The following SFMBT2 variants were observed in gnomAD, a reference collection of about 807,000 sequenced individuals.
SFMBT2 encodes the protein scm-like with four MBT domains protein 2.
A neutral mutation model predicts 110.1 loss-of-function variants in SFMBT2; 38 were observed. That is an observed-to-expected ratio of 0.35 (90% CI 0.27 to 0.45). The LOEUF (loss-of-function observed/expected upper bound fraction) is 0.45. SFMBT2 is among the 20% of genes least tolerant of loss of function. SFMBT2 has a pLI of 1.00. For missense variants in SFMBT2, 1,011 were observed against 1,094.9 expected, an observed-to-expected ratio of 0.92 and a Z score of 1.08; for synonymous variants, 425 against 425.4, an observed-to-expected ratio of 1.00 and a Z score of 0.01.
chr10:7,215,555 C>T (rs376122801), intron 11 of SFMBT2: 1 of 985,408 alleles, frequency 1.0e-6, no homozygotes. Flanking sequence ...CAGGGCACTG[C>T]TCTGCTCAAC....
At position 7,171,995 on chromosome 10, in the gene SFMBT2, C is replaced by T. The variant is rs747800549; in HGVS notation, c.2315G>A (p.Arg772Gln). ...CCTTCGTGTCCTCTCTGGGGGTGGCCGGCGCACGGGCTCTGAGCCGCTCCG... is the reference window on the plus strand; with the variant it reads ...CCTTCGTGTCCTCTCTGGGGGTGGCTGGCGCACGGGCTCTGAGCCGCTCCG... ...TLRSGSEPVRRPPPERTRRGR... is the reference protein window; with the variant it reads ...TLRSGSEPVRQPPPERTRRGR... Residue 772 changes from arginine to glutamine, a missense_variant, in exon 19 of 21, where the codon CGG becomes CAG. Arg to Gln is a conservative substitution (Grantham distance 43, BLOSUM62 1). Transcript: ENST00000397167. This position sits in a 1 kb window ranked among gnomAD's most constrained non-coding sequence, Gnocchi z 4.9. 14 of 1,554,292 alleles carry T rather than the reference C, an allele frequency of 9.0e-6. No individual in the cohort carries two copies. The highest frequency in any genetic ancestry group is 3.5e-5 in the South Asian group (3 of 85,492).
chr10:7,339,250 T>G (rs1843816889), intron 4 of SFMBT2, among the ~76,000 whole-genome samples: 2 of 152,160 alleles, frequency 1.3e-5, no homozygotes, highest in African/African-American at 2.4e-5. Context: ...GATGAATAAA[T>G]AAATAAATGA....
rs776275275 is a variant in SFMBT2, at chr10:7,170,907, G to A, written c.2544+21C>T. 30 of 1,613,622 alleles carry A rather than the reference G, an allele frequency of 1.9e-5. No homozygotes were observed. The South Asian group carries it at 2.0e-4, about 11-fold the overall frequency. On this transcript the variant is annotated intron_variant, in intron 20 of 20. Transcript: ENST00000397167. This position sits in a 1 kb window ranked among gnomAD's most constrained non-coding sequence, Gnocchi z 4.6. ...CAGAGTCTCAGCACATCAAACAATC[G>A]ACACGCGGCAACCACCGTACCTGCT... is the stretch of plus-strand genomic sequence containing the variant.
chr10:7,342,198 G>A (rs1431514478), intron 4 of SFMBT2, among the ~76,000 whole-genome samples: 1 of 151,940 alleles, frequency 6.6e-6, no homozygotes, highest in Non-Finnish European at 1.5e-5. Context: ...CAGTATATAT[G>A]TGTCTGTTAT....
chr10:7,227,897 C>G lies in SFMBT2; in HGVS notation c.1161G>C (p.Lys387Asn). 1 of 1,608,016 alleles carries G rather than the reference C, an allele frequency of 6.2e-7. No individual in the cohort carries two copies. The highest frequency in any genetic ancestry group is 8.5e-7 in the Non-Finnish European group (1 of 1,177,994). Residue 387 changes from lysine to asparagine, a missense_variant, in exon 10 of 21, where the codon AAG (lysine) becomes AAC (asparagine). Coordinates refer to ENST00000397167, the MANE Select transcript of SFMBT2 (RefSeq NM_001387889.1). ...GQDFDWADYH[K>N]QHGAQEAPPF... The stretch of plus-strand genomic sequence containing the variant: ...GAGGGGCTTCCTGCGCCCCATGCTG[C>G]TTGTGATAATCTGCCCAGTCGAAGT...
At chr10:7,265,256 C>T (rs1841346541) in intron 7 of SFMBT2, among the ~76,000 whole-genome samples, 1 of 149,936 alleles carries the variant, frequency 6.7e-6, no homozygotes, top group Non-Finnish European at 1.5e-5. Flanking sequence ...GACTGGAGTG[C>T]AGTGGCACAA....
intron 16 of SFMBT2, among the ~76,000 whole-genome samples, chr10:7,179,228 G>A (rs1439898782): frequency 6.6e-6 from 1 of 151,938 alleles, no homozygotes; most frequent in Non-Finnish European, 1.5e-5. Flanking sequence ...GTAATCTTCT[G>A]TAGATAAGAT....
At chr10:7,299,952 T>C (rs1220462865) in intron 4 of SFMBT2, among the ~76,000 whole-genome samples, 1 of 152,060 alleles carries the variant, frequency 6.6e-6, no homozygotes, top group African/African-American at 2.4e-5. Flanking sequence ...ATATACACCA[T>C]GCAGCCATAA....
chr10:7,384,400 G>GT (rs1845525963), intron 1 of SFMBT2, among the ~76,000 whole-genome samples: 1 of 151,946 alleles, frequency 6.6e-6, no homozygotes. Flanking sequence ...AGAAAATACG[G>GT]TATCTACAGA....
At chr10:7,355,012 TA>T (rs1337877933) in intron 4 of SFMBT2, among the ~76,000 whole-genome samples, 1 of 152,190 alleles carries the variant, frequency 6.6e-6, no homozygotes, top group East Asian at 1.9e-4. Context: ...ACTATTTAGT[TA>T]AAAATCTAGA....
chr10:7,184,859 G>C (rs1354565249), intron 16 of SFMBT2, among the ~76,000 whole-genome samples: 1 of 152,138 alleles, frequency 6.6e-6, no homozygotes, highest in African/African-American at 2.4e-5. Context: ...TGAGAACCCT[G>C]CAGAAATAGG....
intron 4 of SFMBT2, among the ~76,000 whole-genome samples, chr10:7,306,737 G>T (rs1209262951): frequency 7.6e-5 from 6 of 78,664 alleles, no homozygotes; most frequent in African/African-American, 3.2e-4. Context: ...CCAAGAAAAG[G>T]GGGGAAAAAA....
intron 9 of SFMBT2, among the ~76,000 whole-genome samples, chr10:7,234,973 C>T (rs988419870): frequency 1.3e-5 from 2 of 152,158 alleles, no homozygotes; most frequent in African/African-American, 4.8e-5. Context: ...ACTAAGCTGA[C>T]TGGATCAGAG....
intron 15 of SFMBT2, among the ~76,000 whole-genome samples, chr10:7,192,332 G>A (rs886628893): frequency 2.0e-5 from 3 of 152,116 alleles, no homozygotes; most frequent in African/African-American, 7.2e-5. Context: ...ATACGAGATC[G>A]TCATTCCTAC....
intron 7 of SFMBT2, among the ~76,000 whole-genome samples, chr10:7,270,247 G>A (rs868814373): frequency 4.1e-4 from 63 of 152,252 alleles, no homozygotes; most frequent in African/African-American, 1.5e-3. Flanking sequence ...GGACACAGGC[G>A]ACCCCAGAAG....
intron 2 of SFMBT2, among the ~76,000 whole-genome samples, chr10:7,380,897 A>G (rs1845400595): frequency 6.6e-6 from 1 of 152,070 alleles, no homozygotes; most frequent in African/African-American, 2.4e-5. Flanking sequence ...AAAAAATTTA[A>G]AAGTCAGCAG....
chr10:7,183,790 A>C (rs923899098), intron 16 of SFMBT2, among the ~76,000 whole-genome samples: 11 of 152,190 alleles, frequency 7.2e-5, no homozygotes, highest in Non-Finnish European at 1.6e-4. Flanking sequence ...TGTCTTTCCC[A>C]AAGCAATCTA....
chr10:7,186,601 C>T (rs981969660), intron 16 of SFMBT2, among the ~76,000 whole-genome samples: 4 of 152,142 alleles, frequency 2.6e-5, no homozygotes, highest in East Asian at 1.9e-4. Context: ...TGAGCCACCA[C>T]GCCTGGCCTG....
chr10:7,245,040 T>C (rs951155000), intron 8 of SFMBT2, among the ~76,000 whole-genome samples: 1 of 152,146 alleles, frequency 6.6e-6, no homozygotes, highest in Non-Finnish European at 1.5e-5. Context: ...TGAAAACTGA[T>C]GCACGGCGAT....
Sources: gnomAD v4.1 joint callset for allele counts (sites outside exome capture counted in the v4.1 genomes callset) on GRCh38, gnomAD v4.1.1 for gene constraint, Gnocchi (gnomAD v3.1) non-coding constraint, MANE v1.5 for transcripts, NCBI Gene and HGNC (gene_info 2026-07-23, HGNC 2026-07-21) for gene names.